The following SLC38A8 variants were observed in gnomAD, a reference collection of about 807,000 sequenced individuals.
SLC38A8 encodes amino acid transporter SLC38A8.
SLC38A8 carries 65 observed loss-of-function variants against 46.0 expected under a neutral mutation model. That is an observed-to-expected ratio of 1.41 (90% CI 1.16 to 1.74). The LOEUF (loss-of-function observed/expected upper bound fraction) is 1.74. Ranked by LOEUF, SLC38A8 falls within the 40% of genes most tolerant of loss-of-function variation. The pLI is 0.00. For missense variants in SLC38A8, 998 were observed against 567.9 expected (o/e 1.76, Z -7.70); for synonymous variants, 447 against 243.7 (o/e 1.83, Z -7.77).
intron 9 of SLC38A8, among the ~76,000 whole-genome samples, chr16:84,015,725 G>C (rs2085017451): frequency 6.6e-6 from 1 of 152,166 alleles, no homozygotes; most frequent in Admixed American, 6.5e-5. Context: ...TTTTGTTTGA[G>C]ATGGAGTTTC....
At chr16:84,014,799 C>G (rs562430316) in intron 9 of SLC38A8, among the ~76,000 whole-genome samples, 1 of 152,344 alleles carries the variant, frequency 6.6e-6, no homozygotes, top group African/African-American at 2.4e-5. Flanking sequence ...GCTAAGAACC[C>G]ACTTTTCATA....
chr16:84,011,118 G>C lies in SLC38A8; in HGVS notation c.1215-1241C>G, dbSNP rs535368439. On this transcript the variant is annotated intron_variant, in intron 10 of 10. Transcript: ENST00000299709. ...TTCTAACCGAGCAGCATCTCAGCACGGCTGTTCAGCGCCATAAACATCCAT... is the reference window on the plus strand; with the variant it reads ...TTCTAACCGAGCAGCATCTCAGCACCGCTGTTCAGCGCCATAAACATCCAT... 5.3e-5 allele frequency among the ~76,000 whole-genome samples: 8 copies of C among 152,322 alleles called. 1 individual carries two copies. The East Asian group carries it at 1.5e-3, about 29-fold the overall frequency.
At position 84,013,048 on chromosome 16, in the gene SLC38A8, C is replaced by A. The variant is rs1304045017; in HGVS notation, c.1167G>T (p.Leu389Phe). ...CGACACCCATTGCACAGATGAGGCA[C>A]AAACCTGCAAAAAAGACAGGGTCAC... ...SSFFIFIFPG[L>F]CLICAMGVEP... Residue 389 changes from leucine (L) to phenylalanine (F), a missense_variant, in exon 10 of 11, where the codon TTG becomes TTT. Coordinates refer to ENST00000299709, the MANE Select transcript of SLC38A8 (RefSeq NM_001080442.3). The A allele has an allele frequency of 1.9e-6, 3 of 1,613,640 alleles. No individual in the cohort carries two copies. Among genetic ancestry groups the A allele is most frequent in the African/African-American group, 1.3e-5 (1 of 74,954 alleles).
intron 9 of SLC38A8, among the ~76,000 whole-genome samples, chr16:84,014,937 G>A (rs1036147842): frequency 1.4e-4 from 19 of 132,726 alleles, no homozygotes; most frequent in African/African-American, 7.4e-4. Context: ...CCTGAACAAT[G>A]TTTCGTTTCA....
intron 5 of SLC38A8, among the ~76,000 whole-genome samples, chr16:84,031,228 A>G (rs1020088381): frequency 1.3e-5 from 2 of 151,970 alleles, no homozygotes; most frequent in African/African-American, 2.4e-5. Flanking sequence ...TTATGTAGAG[A>G]CAGGGTTTCA....
At chr16:84,021,955 A>T (rs1434460658) in intron 7 of SLC38A8, among the ~76,000 whole-genome samples, 1 of 152,122 alleles carries the variant, frequency 6.6e-6, no homozygotes, top group Admixed American at 6.6e-5. Context: ...TTCTTCTTAT[A>T]AAGCCACCAG....
chr16:84,012,943 C>A, intron 10 of SLC38A8, 58 bp downstream of exon 10: 1 of 1,578,698 alleles, frequency 6.3e-7, no homozygotes, highest in Non-Finnish European at 8.7e-7. Context: ...TCCCCTGAAA[C>A]ATTCTTACTC....
intron 6 of SLC38A8, 35 bp downstream of exon 6, chr16:84,029,459 A>G: frequency 1.9e-6 from 3 of 1,611,948 alleles, no homozygotes; most frequent in Non-Finnish European, 1.7e-6. Context: ...AGCCTCTGCA[A>G]ACGCCACAGG....
At chr16:84,030,281 C>A (rs147036745) in intron 5 of SLC38A8, among the ~76,000 whole-genome samples, 2 of 152,288 alleles carry the variant, frequency 1.3e-5, no homozygotes, top group Non-Finnish European at 2.9e-5. Context: ...CCTGACCACA[C>A]TTTGATCACT....
chr16:84,036,794 G>C lies in SLC38A8; in HGVS notation c.296C>G (p.Ala99Gly), dbSNP rs752982017. 3.8e-5 allele frequency: 62 copies of C among 1,614,032 alleles called. No individual in the cohort carries two copies. Among genetic ancestry groups the C allele is most frequent in the African/African-American group, 1.3e-5 (1 of 74,946 alleles). The change falls in exon 3 of 11, where the codon GCC becomes GGC. Residue 99 changes from alanine (A) to glycine (G), a missense_variant. By Grantham distance (60) the Ala-to-Gly change is moderately conservative. Transcript: ENST00000299709. ...GCAGGCCTCACACAGCTTCCCAATG[G>C]CAGGGCCACACAGCCCCCTGACCAC... ...QGVVRGLCGP[A>G]IGKLCEACFL...
rs1156899687 is a variant in SLC38A8 at position 84,013,431 on chromosome 16, T to TGTTGTTGTTG, written c.1163-380_1163-379insCAACAACAAC. Among the ~76,000 whole-genome samples, 26 of 122,694 alleles carry TGTTGTTGTTG rather than the reference T, an allele frequency of 2.1e-4. 1 individual carries two copies. Among genetic ancestry groups the TGTTGTTGTTG allele is most frequent in the Middle Eastern group, 7.7e-3 (2 of 260 alleles). The allele number at this position is 122,694 out of a possible 152,430, so 80.5% of individuals were successfully genotyped here. On this transcript the variant is annotated intron_variant, in intron 9 of 10. Coordinates refer to ENST00000299709, the MANE Select transcript of SLC38A8 (RefSeq NM_001080442.3). ...TTCTTTTGTTGTGTGTGTGTTTTTTTTTTTTTTTTTTTTTTTTTGAGACGG... is the reference window on the plus strand; with the variant it reads ...TTCTTTTGTTGTGTGTGTGTTTTTTTGTTGTTGTTGTTTTTTTTTTTTTTTTTTGAGACGG...
intron 7 of SLC38A8, among the ~76,000 whole-genome samples, chr16:84,019,057 A>T (rs2136660): frequency 0.68 from 102,740 of 151,800 alleles, 36,379 homozygotes; most frequent in African/African-American, 0.89. Flanking sequence ...GCTAGCTCTT[A>T]CTGAAACTAC....
intron 2 of SLC38A8, among the ~76,000 whole-genome samples, chr16:84,039,073 G>C (rs11640130): frequency 9.9e-5 from 15 of 152,034 alleles, no homozygotes; most frequent in African/African-American, 3.6e-4. Context: ...AACCCATTGA[G>C]GTATGTCCTT....
intron 7 of SLC38A8, among the ~76,000 whole-genome samples, chr16:84,019,642 T>A (rs2085072562): frequency 6.6e-6 from 1 of 152,186 alleles, no homozygotes; most frequent in African/African-American, 2.4e-5. Context: ...CCATGGTTAT[T>A]CCAACCCCAT....
rs11862366 is a variant in SLC38A8 at position 84,029,525 on chromosome 16, C to G, written c.659G>C (p.Ser220Thr). Residue 220 changes from serine (S) to threonine (T), a missense_variant, in exon 6 of 11, where the codon AGT becomes ACT. Physicochemically the swap from Ser to Thr is moderately conservative, Grantham distance 58 (BLOSUM62 1). Transcript: ENST00000299709. The part of the protein sequence containing the change: ...LSPASWTSVF[S>T]VFPTICFGFQ... ...CCCGAAGCAGATGGTGGGGAAGACACTGAACACAGAGGTCCAGGAGGCAGG... is the reference window on the plus strand; with the variant it reads ...CCCGAAGCAGATGGTGGGGAAGACAGTGAACACAGAGGTCCAGGAGGCAGG... 40,814 of 1,613,974 alleles carry G rather than the reference C, an allele frequency of 0.025. 1,096 individuals carry two copies. The highest frequency in any genetic ancestry group is 0.14 in the African/African-American group (10,372 of 74,980).
At chr16:84,010,499 G>C (rs928372407) in intron 10 of SLC38A8, among the ~76,000 whole-genome samples, 3 of 152,104 alleles carry the variant, frequency 2.0e-5, no homozygotes, top group Non-Finnish European at 2.9e-5. Flanking sequence ...CCAGCACTTT[G>C]GGAGGCTGAG....
chr16:84,013,866 A>C (rs547563574), intron 9 of SLC38A8, among the ~76,000 whole-genome samples: 2 of 152,118 alleles, frequency 1.3e-5, no homozygotes, highest in African/African-American at 4.8e-5. Flanking sequence ...CAGCGCTACA[A>C]CTGGCCACCT....
intron 10 of SLC38A8, among the ~76,000 whole-genome samples, chr16:84,010,975 T>C (rs1219080636): frequency 6.6e-6 from 1 of 151,576 alleles, no homozygotes; most frequent in African/African-American, 2.4e-5. Context: ...TAACCAGAGA[T>C]GGGGTAGACA....
At chr16:84,034,390 G>A (rs183503644) in intron 3 of SLC38A8, among the ~76,000 whole-genome samples, 5 of 152,246 alleles carry the variant, frequency 3.3e-5, no homozygotes, top group Non-Finnish European at 5.9e-5. Context: ...TTCTGCCACA[G>A]TGGGATGAAT....
Sources: allele counts gnomAD v4.1 joint callset (sites outside exome capture counted in the v4.1 genomes callset), GRCh38; gene constraint gnomAD v4.1.1; transcripts MANE v1.5; gene names NCBI Gene and HGNC (gene_info 2026-07-23, HGNC 2026-07-21).